The following SLC26A11 variants were observed in gnomAD, a reference collection of about 807,000 sequenced individuals.
SLC26A11 encodes the protein solute carrier family 26 member 11.
SLC26A11 carries 58 observed loss-of-function variants against 62.2 expected under a neutral mutation model. The ratio of observed to expected loss-of-function variants is 0.93; its 90% CI spans 0.76 to 1.16. The LOEUF is 1.16. Among genes scored for constraint, SLC26A11 ranks in the 50% most tolerant of loss-of-function variants. The pLI, the probability that SLC26A11 is intolerant of heterozygous loss-of-function variation, is 0.00. For synonymous variants in SLC26A11, 411 were observed against 368.9 expected (o/e 1.11, Z -1.31); for missense variants, 790 against 794.3 (o/e 0.99, Z 0.06).
At chr17:80,251,822 C>T (rs1319523725) in intron 17 of SLC26A11, among the ~76,000 whole-genome samples, 1 of 151,494 alleles carries the variant, frequency 6.6e-6, no homozygotes, top group Non-Finnish European at 1.5e-5. Context: ...CTTTGGTGAT[C>T]ACTCCATACC....
At position 80,236,848 on chromosome 17, in the gene SLC26A11, C is replaced by T. The variant is rs1002580729; in HGVS notation, c.737-80C>T. On this transcript the variant is annotated intron_variant, in intron 7 of 17. Coordinates refer to ENST00000361193, the MANE Select transcript of SLC26A11 (RefSeq NM_001166347.2). The stretch of plus-strand genomic sequence containing the variant: ...GCGTCTCCTGCCTCTGGGATGTCTG[C>T]CCCAGTAACCTGGAGGCAGCCGCGC... 9.4e-6 allele frequency: 14 copies of T among 1,481,592 alleles called. No individual in the cohort carries two copies. In the South Asian group the frequency reaches 1.8e-4, roughly 19 times the overall value. The allele number at this position is 1,481,592 out of a possible 1,614,324, so 91.8% of individuals were successfully genotyped here.
In SLC26A11 at chr17:80,243,585, C is replaced by T. The variant is rs964705861; in HGVS notation, c.1037-1611C>T. ...GCTGATTTTTGTATTTTTAGTAGGA[C>T]GAGGTTTTGCCATGTTGGCCAGGCG... On this transcript the variant is annotated intron_variant, in intron 10 of 17. Coordinates refer to ENST00000361193, the MANE Select transcript of SLC26A11 (RefSeq NM_001166347.2). 7.2e-5 allele frequency among the ~76,000 whole-genome samples: 11 copies of T among 152,244 alleles called. No individual in the cohort carries two copies. The South Asian group carries it at 8.3e-4, about 11-fold the overall frequency.
At chr17:80,247,445 G>A (rs987421018) in intron 13 of SLC26A11, among the ~76,000 whole-genome samples, 4 of 152,146 alleles carry the variant, frequency 2.6e-5, no homozygotes, top group African/African-American at 4.8e-5. Context: ...CTCACCTCCC[G>A]GACGGGAGCA....
intron 14 of SLC26A11, 66 bp from the exon 15 acceptor site, chr17:80,248,509 G>T (rs1271151986): frequency 8.0e-6 from 12 of 1,491,672 alleles, no homozygotes; most frequent in Non-Finnish European, 9.9e-6. Context: ...TTCCCGCTTG[G>T]GACAGGCCAA....
chr17:80,233,811 T>TCAAGGGATCCTACCA (rs2042622826), intron 7 of SLC26A11, among the ~76,000 whole-genome samples: 1 of 129,772 alleles, frequency 7.7e-6, no homozygotes, highest in Non-Finnish European at 1.7e-5. Context: ...ACTCCTGGGC[T>TCAAGGGATCCTACCA]CAAGGGATCC....
chr17:80,224,050 A>G (rs1457536080), intron 5 of SLC26A11, among the ~76,000 whole-genome samples: 1 of 152,194 alleles, frequency 6.6e-6, no homozygotes, highest in Non-Finnish European at 1.5e-5. Flanking sequence ...GACTAGGGTC[A>G]CATGCTGCCT....
At chr17:80,230,135 T>C (rs978958452) in intron 7 of SLC26A11, among the ~76,000 whole-genome samples, 3 of 144,280 alleles carry the variant, frequency 2.1e-5, no homozygotes, top group Non-Finnish European at 4.5e-5. Flanking sequence ...GCGGAGGTTA[T>C]AGTGAGCCAA....
chr17:80,221,208 G>A (rs1052586307), intron 2 of SLC26A11, 93 bp downstream of exon 2: 1 of 245,596 alleles, frequency 4.1e-6, no homozygotes, highest in African/African-American at 2.2e-5. Flanking sequence ...GTTCTCCAGG[G>A]GCCAGAAGTG....
chr17:80,241,702 C>G lies in SLC26A11; in HGVS notation c.986-69C>G, dbSNP rs184033109. The stretch of plus-strand genomic sequence containing the variant: ...GTGTAGAAATTCATAATCTGTGTTA[C>G]ATTTTGTGAATACTTTTTGAGCGAT... On this transcript the variant is annotated intron_variant, in intron 9 of 17. Transcript: ENST00000361193. 17 of 1,493,986 alleles carry G rather than the reference C, an allele frequency of 1.1e-5. No homozygotes were observed. The Admixed American group carries it at 2.5e-4, about 22-fold the overall frequency. 92.5% of individuals were successfully genotyped at this position (1,493,986 alleles called of 1,614,324 possible). A position where few individuals can be genotyped will look rare whatever the true frequency, so the allele number is the denominator to read the frequency against.
At chr17:80,240,348 C>T (rs1173260732) in intron 9 of SLC26A11, among the ~76,000 whole-genome samples, 1 of 151,796 alleles carries the variant, frequency 6.6e-6, no homozygotes, top group African/African-American at 2.4e-5. Context: ...GCCTGGGCGA[C>T]AGAGCAAGAC....
Position 80,223,102 on chromosome 17 carries a change from A to T in SLC26A11, c.428-150A>T. The T allele has an allele frequency of 3.8e-6, 3 of 792,214 alleles. No homozygotes were observed. The South Asian group carries it at 4.8e-5, about 13-fold the overall frequency. The allele number at this position is 792,214 out of a possible 1,614,324, so 49.1% of individuals were successfully genotyped here. A position where few individuals can be genotyped will look rare whatever the true frequency, so the allele number is the denominator to read the frequency against. On this transcript the variant is annotated intron_variant, in intron 4 of 17. Transcript: ENST00000361193. The surrounding 1 kb of genome is among the most constrained non-coding windows in gnomAD (Gnocchi z 4.6). The stretch of plus-strand genomic sequence containing the variant: ...TCTCCCTTTTCTGCTCTCCAAAAAC[A>T]GCCAAACAGGGTGTGTTACCCCCAG...
At chr17:80,226,233 A>G (rs1211861025) in intron 6 of SLC26A11, among the ~76,000 whole-genome samples, 1 of 152,158 alleles carries the variant, frequency 6.6e-6, no homozygotes, top group Non-Finnish European at 1.5e-5. Context: ...AGGAATGGGG[A>G]GAGTCTGTGT....
At chr17:80,221,207 G>A (rs936861683) in intron 2 of SLC26A11, 92 bp downstream of exon 2, 1 of 237,250 alleles carries the variant, frequency 4.2e-6, no homozygotes, top group Admixed American at 5.7e-5. Flanking sequence ...GGTTCTCCAG[G>A]GGCCAGAAGT....
intron 16 of SLC26A11, among the ~76,000 whole-genome samples, chr17:80,250,667 A>C (rs1021024275): frequency 6.6e-6 from 1 of 151,850 alleles, no homozygotes; most frequent in Admixed American, 6.6e-5. Flanking sequence ...TCTCTACTAA[A>C]AATACAAAAA....
In SLC26A11 at chr17:80,246,480, G is replaced by A. The variant is rs111963541; in HGVS notation, c.1154-29G>A. ...CGTGCTGGGGGGACCCTGCACTCCC[G>A]AGGTCACCTGTGTTCCCGTGCCCCG... On this transcript the variant is annotated intron_variant, in intron 12 of 17. Coordinates refer to ENST00000361193, the MANE Select transcript of SLC26A11 (RefSeq NM_001166347.2). The surrounding 1 kb of genome is among the most constrained non-coding windows in gnomAD (Gnocchi z 4.4). The A allele has an allele frequency of 1.2e-3, 1,954 of 1,605,558 alleles. 29 individuals are homozygous for A. The South Asian group carries it at 0.017, about 14-fold the overall frequency.
At chr17:80,248,014 G>A in intron 13 of SLC26A11, 116 bp from the exon 14 acceptor site, 1 of 1,292,726 alleles carries the variant, frequency 7.7e-7, no homozygotes, top group Non-Finnish European at 1.0e-6. Context: ...GCTGCTTGGG[G>A]TCCATGAGCA....
intron 7 of SLC26A11, 95 bp from the exon 8 acceptor site, chr17:80,236,833 C>A: frequency 1.5e-6 from 2 of 1,368,140 alleles, no homozygotes; most frequent in Non-Finnish European, 1.0e-6. Context: ...GCGTCTCCTG[C>A]CTCTGGGATG....
At chr17:80,251,456 C>T in intron 17 of SLC26A11, 55 bp downstream of exon 17, 1 of 1,606,192 alleles carries the variant, frequency 6.2e-7, no homozygotes, top group Non-Finnish European at 8.5e-7. Context: ...ATCATAAATG[C>T]TTATTGTAAA....
At position 80,249,162 on chromosome 17, in the gene SLC26A11, C is replaced by T. The variant is rs765450568; in HGVS notation, c.1531C>T (p.Pro511Ser). Residue 511 changes from proline (P) to serine (S), a missense_variant, in exon 16 of 18, where the codon CCA becomes TCA. Transcript: ENST00000361193. ...ILSRALEVSP[P>S]RCLVLECTHV... ...CGGGCCTGTCTCCCCAGTGTCCCCG[C>T]CACGCTGCCTGGTCCTGGAGTGCAC... 2 of 1,607,374 alleles carry T rather than the reference C, an allele frequency of 1.2e-6. No homozygotes were observed. Among genetic ancestry groups the T allele is most frequent in the South Asian group, 2.2e-5 (2 of 90,822 alleles).
Sources: allele counts gnomAD v4.1 joint callset (sites outside exome capture counted in the v4.1 genomes callset), GRCh38; gene constraint gnomAD v4.1.1; non-coding constraint Gnocchi (gnomAD v3.1); transcripts MANE v1.5; gene names NCBI Gene and HGNC (gene_info 2026-07-23, HGNC 2026-07-21).